Variants in CNTN5 observed in about 807,000 individuals in gnomAD.
CNTN5 encodes contactin 5.
Under a neutral mutation model 129.1 loss-of-function variants are expected in CNTN5, and 77 were observed. The observed-to-expected ratio is 0.60, with a 90% CI of 0.50 to 0.72. The LOEUF is 0.72. CNTN5 is among the 30% of genes least tolerant of loss of function. CNTN5 has a pLI of 0.00. For synonymous variants in CNTN5, 509 were observed against 465.6 expected (o/e 1.09, Z -1.20); for missense variants, 1,478 against 1,328.8 (o/e 1.11, Z -1.75).
In CNTN5 at chr11:99,639,521, T is replaced by G. The variant is rs573523913; in HGVS notation, c.55+83252T>G. ...AAACTTGTATGCTCTGCTTCCCTTA[T>G]AAAACAATGTATTTAACAGCACCCA... On this transcript the variant is annotated intron_variant, in intron 3 of 24. Transcript: ENST00000524871. Among the ~76,000 whole-genome samples the G allele has an allele frequency of 1.2e-4, 18 of 148,754 alleles. No individual in the cohort carries two copies. The South Asian group carries it at 3.8e-3, about 32-fold the overall frequency.
intron 3 of CNTN5, among the ~76,000 whole-genome samples, chr11:99,657,057 C>G (rs1214718284): frequency 3.8e-5 from 4 of 104,716 alleles, no homozygotes; most frequent in African/African-American, 6.5e-5. Flanking sequence ...CAGTGCCCAA[C>G]AAAAAATAAG....
chr11:100,318,923 G>A (rs943263952), intron 21 of CNTN5, among the ~76,000 whole-genome samples: 2 of 152,254 alleles, frequency 1.3e-5, no homozygotes, highest in East Asian at 3.9e-4. Context: ...ATTTTCCAAA[G>A]GGCAAGGCTT....
At chr11:99,442,263 G>C (rs1319029593) in intron 2 of CNTN5, among the ~76,000 whole-genome samples, 1 of 152,014 alleles carries the variant, frequency 6.6e-6, no homozygotes, top group Non-Finnish European at 1.5e-5. Context: ...TCCACCTCCC[G>C]GGTTCTAGCG....
At chr11:99,541,132 C>T (rs527579766) in intron 2 of CNTN5, among the ~76,000 whole-genome samples, 2 of 152,252 alleles carry the variant, frequency 1.3e-5, no homozygotes, top group South Asian at 4.1e-4. Flanking sequence ...AATAACTCTG[C>T]CCTACTCTGG....
chr11:99,132,749 C>T (rs1439264820), intron 1 of CNTN5, among the ~76,000 whole-genome samples: 2 of 152,034 alleles, frequency 1.3e-5, no homozygotes, highest in Non-Finnish European at 2.9e-5. Context: ...TCAAGGAAAT[C>T]AGAGAGGACA....
intron 6 of CNTN5, among the ~76,000 whole-genome samples, chr11:99,859,732 C>A (rs188678791): frequency 6.6e-6 from 1 of 152,066 alleles, no homozygotes; most frequent in Non-Finnish European, 1.5e-5. Context: ...TACCATATTT[C>A]TTTATCCACT....
At chr11:99,135,211 A>C (rs1859157507) in intron 1 of CNTN5, among the ~76,000 whole-genome samples, 1 of 152,206 alleles carries the variant, frequency 6.6e-6, no homozygotes, top group Non-Finnish European at 1.5e-5. Context: ...GAATATGAGG[A>C]AGTAAGCAAG....
intron 1 of CNTN5, among the ~76,000 whole-genome samples, chr11:99,050,178 C>T (rs1293367751): frequency 6.6e-6 from 1 of 151,950 alleles, no homozygotes; most frequent in African/African-American, 2.4e-5. Flanking sequence ...AGAATTACTG[C>T]CAAACAAAAC....
At chr11:100,202,166 C>T (rs1948796221) in intron 15 of CNTN5, among the ~76,000 whole-genome samples, 2 of 151,920 alleles carry the variant, frequency 1.3e-5, no homozygotes, top group African/African-American at 4.8e-5. Flanking sequence ...CAAACTTAAA[C>T]AACTGTTGGA....
intron 8 of CNTN5, among the ~76,000 whole-genome samples, chr11:99,995,827 C>G (rs552315752): frequency 1.3e-5 from 2 of 152,096 alleles, no homozygotes; most frequent in African/African-American, 2.4e-5. Context: ...GCACTAGCAC[C>G]AAAATCCACC....
At chr11:99,998,041 C>G (rs932801555) in intron 8 of CNTN5, among the ~76,000 whole-genome samples, 5 of 152,076 alleles carry the variant, frequency 3.3e-5, no homozygotes, top group African/African-American at 1.2e-4. Flanking sequence ...AACCCACAGC[C>G]AATATCATAC....
chr11:99,597,420 T>C (rs1351020271), intron 3 of CNTN5, among the ~76,000 whole-genome samples: 1 of 152,130 alleles, frequency 6.6e-6, no homozygotes, highest in East Asian at 1.9e-4. Context: ...CTCCTTCCTA[T>C]TGCACGTTCT....
intron 8 of CNTN5, among the ~76,000 whole-genome samples, chr11:99,992,285 T>A (rs1939160106): frequency 6.6e-6 from 1 of 152,188 alleles, no homozygotes; most frequent in African/African-American, 2.4e-5. Context: ...CATTGGCCTA[T>A]CAGAACAAGA....
At chr11:100,125,333 C>G (rs1172772873) in intron 13 of CNTN5, among the ~76,000 whole-genome samples, 1 of 151,976 alleles carries the variant, frequency 6.6e-6, no homozygotes, top group African/African-American at 2.4e-5. Context: ...CCCTACTTCC[C>G]TCTAGTAATC....
At chr11:99,687,485 G>T (rs140203446) in intron 3 of CNTN5, among the ~76,000 whole-genome samples, 3 of 152,242 alleles carry the variant, frequency 2.0e-5, no homozygotes, top group African/African-American at 7.2e-5. Context: ...AACTTTAACT[G>T]TCCCAGTTCT....
intron 2 of CNTN5, among the ~76,000 whole-genome samples, chr11:99,528,103 A>G (rs952444693): frequency 2.0e-5 from 3 of 152,216 alleles, no homozygotes; most frequent in African/African-American, 7.2e-5. Flanking sequence ...CTGTCATAAA[A>G]CACTAAATTC....
At chr11:99,863,793 T>C (rs528001267) in intron 6 of CNTN5, among the ~76,000 whole-genome samples, 110 of 152,192 alleles carry the variant, frequency 7.2e-4, no homozygotes, top group Non-Finnish European at 1.3e-3. Flanking sequence ...TCACAGTTAA[T>C]GTTTAGAAAG....
chr11:99,845,045 C>A, intron 5 of CNTN5, 42 bp from the exon 6 acceptor site: 1 of 1,610,152 alleles, frequency 6.2e-7, no homozygotes, highest in South Asian at 1.1e-5. Flanking sequence ...CTGACACTCT[C>A]AGGGAGGATT....
chr11:99,427,463 G>C (rs914218770), intron 2 of CNTN5, among the ~76,000 whole-genome samples: 1 of 152,090 alleles, frequency 6.6e-6, no homozygotes, highest in Non-Finnish European at 1.5e-5. Context: ...TAAGCTTTTG[G>C]ATTAAAAGTG....
Sources: allele counts gnomAD v4.1 joint callset (sites outside exome capture counted in the v4.1 genomes callset), GRCh38; gene constraint gnomAD v4.1.1; transcripts MANE v1.5; gene names NCBI Gene and HGNC (gene_info 2026-07-23, HGNC 2026-07-21).